Variants in TCTN3 observed in about 807,000 individuals in gnomAD.
TCTN3 encodes the protein tectonic-3.
TCTN3 carries 57 observed loss-of-function variants against 71.3 expected under a neutral mutation model. The ratio of observed to expected loss-of-function variants is 0.80; its 90% CI spans 0.65 to 1.00. TCTN3 has a LOEUF of 1.00. TCTN3 is among the 50% of genes least tolerant of loss of function. The pLI, the probability that TCTN3 is intolerant of heterozygous loss-of-function variation, is 0.00. For missense variants in TCTN3, 696 were observed against 719.9 expected (o/e 0.97, Z 0.38); for synonymous variants, 258 against 267.8 (o/e 0.96, Z 0.36).
intron 10 of TCTN3, 48 bp downstream of exon 10, chr10:95,683,474 G>T (rs2097945148): frequency 1.9e-6 from 3 of 1,613,880 alleles, no homozygotes; most frequent in Non-Finnish European, 2.5e-6. Context: ...AGCCTTTGCA[G>T]CTTTTCTCAT....
Position 95,692,992 on chromosome 10 carries a change from T to C in TCTN3, c.427A>G (p.Asn143Asp), listed in dbSNP as rs1268458221. Residue 143 changes from asparagine to aspartate, a missense_variant, in exon 3 of 14, where the codon AAT becomes GAT. Asn to Asp is a conservative substitution (Grantham distance 23). Coordinates refer to ENST00000371217, the MANE Select transcript of TCTN3 (RefSeq NM_015631.6). ...AAAACTCTTGAAGGAAACGGGGAAT[T>C]ACTCCTGAAGATAACAGAGTTGTCT... Reference protein sequence around the residue: ...CVDNSVIFRSNSPFPSRVFMD... With the variant: ...CVDNSVIFRSDSPFPSRVFMD... The C allele has an allele frequency of 2.5e-6, 4 of 1,614,038 alleles. No individual in the cohort carries two copies. The East Asian group carries it at 6.7e-5, about 27-fold the overall frequency.
chr10:95,677,492 T>G (rs7072498), intron 13 of TCTN3, among the ~76,000 whole-genome samples: 4,698 of 140,598 alleles, frequency 0.033, 293 homozygotes, highest in South Asian at 0.091. Flanking sequence ...TGTTTTTTTT[T>G]TTTTTTTTTG....
Position 95,663,712 on chromosome 10 carries a change from C to T in TCTN3, c.*355G>A, listed in dbSNP as rs2139690356. Reference sequence around the variant, plus strand: ...TGACAGCAGAAGTGTTTCTCTCTTTCTGCTTGGCCCAACTGTGCCTGAGGG... The same window carrying T: ...TGACAGCAGAAGTGTTTCTCTCTTTTTGCTTGGCCCAACTGTGCCTGAGGG... On this transcript the variant is annotated 3_prime_UTR_variant, in exon 14 of 14. Transcript: ENST00000371217. 1 of 209,960 alleles carries T rather than the reference C, an allele frequency of 4.8e-6. No homozygotes were observed. The highest frequency in any genetic ancestry group is 1.1e-4 in the East Asian group (1 of 8,904). 13.0% of individuals were successfully genotyped at this position (209,960 alleles called of 1,614,324 possible). A position where few individuals can be genotyped will look rare whatever the true frequency, so the allele number is the denominator to read the frequency against.
Position 95,687,072 on chromosome 10 carries a change from G to A in TCTN3, c.824C>T (p.Ala275Val). 6.2e-7 allele frequency: 1 copy of A among 1,614,056 alleles called. No individual in the cohort carries two copies. The highest frequency in any genetic ancestry group is 1.7e-5 in the Admixed American group (1 of 60,004). Reference sequence around the variant, plus strand: ...TAAGACTGTGAAGTTATAGTAAGAGGCAGCATTGAGGGCTGAATCCAAGGT... The same window carrying A: ...TAAGACTGTGAAGTTATAGTAAGAGACAGCATTGAGGGCTGAATCCAAGGT... ...SCTLDSALNA[A>V]SYYNFTVLKV... Residue 275 changes from alanine (A) to valine (V), a missense_variant, in exon 6 of 14, where the codon GCC (alanine) becomes GTC (valine). Ala to Val is a moderately conservative substitution (Grantham distance 64, BLOSUM62 0). Transcript: ENST00000371217.
intron 13 of TCTN3, among the ~76,000 whole-genome samples, chr10:95,676,572 G>A (rs1374192412): frequency 1.3e-5 from 2 of 152,066 alleles, no homozygotes; most frequent in Admixed American, 6.5e-5. Context: ...GTATAGTAAG[G>A]GCATTGTTTC....
At position 95,693,495 on chromosome 10, in the gene TCTN3, G is replaced by T; in HGVS notation, c.257-19C>A. On this transcript the variant is annotated intron_variant, in intron 1 of 13. Coordinates refer to ENST00000371217, the MANE Select transcript of TCTN3 (RefSeq NM_015631.6). ...GGTAAGACTATGAAAGTACGACACA[G>T]AGTGAGTGGGATGAAGATCCCCAAA... The T allele has an allele frequency of 1.3e-5, 20 of 1,552,072 alleles. No individual in the cohort carries two copies. The highest frequency in any genetic ancestry group is 1.7e-5 in the Non-Finnish European group (20 of 1,147,058).
chr10:95,665,413 G>A (rs1415811093), intron 13 of TCTN3, among the ~76,000 whole-genome samples: 2 of 151,954 alleles, frequency 1.3e-5, no homozygotes, highest in African/African-American at 4.8e-5. Context: ...CAAGTAGCTG[G>A]GATTATAGGC....
At chr10:95,675,844 T>A (rs901181180) in intron 13 of TCTN3, among the ~76,000 whole-genome samples, 1 of 152,258 alleles carries the variant, frequency 6.6e-6, no homozygotes, top group East Asian at 1.9e-4. Context: ...TCTTTCCTAG[T>A]ATGCTGCCTG....
In TCTN3 at chr10:95,680,135, G is replaced by A. The variant is rs545327336; in HGVS notation, c.1590+337C>T. On this transcript the variant is annotated intron_variant, in intron 13 of 13. Coordinates refer to ENST00000371217, the MANE Select transcript of TCTN3 (RefSeq NM_015631.6). ...TCAGGGACTCACATATAACTGTGTG[G>A]CTGACAGATTGAACAATTATGGAAG... is the stretch of plus-strand genomic sequence containing the variant. Among the ~76,000 whole-genome samples the A allele has an allele frequency of 2.0e-5, 3 of 152,330 alleles. No individual in the cohort carries two copies. In the East Asian group the frequency reaches 5.8e-4, roughly 29 times the overall value.
chr10:95,693,872 G>T lies in TCTN3; in HGVS notation c.28C>A (p.Gln10Lys), dbSNP rs1262446492. Reference protein sequence around the residue: MRTPQLALLQVFFLVFPDGV... With the variant: MRTPQLALLKVFFLVFPDGV... ...TCGGGGAACACCAGAAAGAACACTT[G>T]CAGGAGCGCGAGCTGTGGGGTGCGC... Residue 10 changes from glutamine to lysine, a missense_variant, in exon 1 of 14, where the codon CAA becomes AAA. By Grantham distance (53) the Gln-to-Lys change is moderately conservative (BLOSUM62 1). Coordinates refer to ENST00000371217, the MANE Select transcript of TCTN3 (RefSeq NM_015631.6). The T allele has an allele frequency of 5.2e-6, 8 of 1,551,590 alleles. No homozygotes were observed. The South Asian group carries it at 9.5e-5, about 18-fold the overall frequency.
intron 13 of TCTN3, among the ~76,000 whole-genome samples, chr10:95,677,494 T>TTTTTTTTTTTG (rs2097938617): frequency 6.8e-6 from 1 of 147,242 alleles, no homozygotes; most frequent in Admixed American, 6.8e-5. Flanking sequence ...TTTTTTTTTT[T>TTTTTTTTTTTG]TTTTTTTGCT....
At chr10:95,691,386 T>C (rs2139759648) in intron 3 of TCTN3, among the ~76,000 whole-genome samples, 1 of 152,220 alleles carries the variant, frequency 6.6e-6, no homozygotes, top group African/African-American at 2.4e-5. Flanking sequence ...ACTCCTGACC[T>C]CAAGTGATCT....
At chr10:95,677,483 GTT>G (rs1223582407) in intron 13 of TCTN3, among the ~76,000 whole-genome samples, 3 of 61,984 alleles carry the variant, frequency 4.8e-5, no homozygotes, top group Admixed American at 2.2e-4. Context: ...AGTTTTTTTT[GTT>G]TTTTTTTTTT....
chr10:95,677,483 G>GTTTTTTTTTTTTT (rs1223582407), intron 13 of TCTN3, among the ~76,000 whole-genome samples: 4 of 62,038 alleles, frequency 6.4e-5, no homozygotes, highest in Non-Finnish European at 7.1e-5. Context: ...AGTTTTTTTT[G>GTTTTTTTTTTTTT]TTTTTTTTTT....
chr10:95,666,236 C>G (rs907244346), intron 13 of TCTN3, among the ~76,000 whole-genome samples: 1 of 140,970 alleles, frequency 7.1e-6, no homozygotes, highest in Non-Finnish European at 1.5e-5. Context: ...CCACCATGCC[C>G]AGCCTTTTTT....
chr10:95,683,422 CA>C (rs1414966992), intron 10 of TCTN3, 99 bp downstream of exon 10: 6 of 1,590,476 alleles, frequency 3.8e-6, no homozygotes, highest in Non-Finnish European at 5.1e-6. Flanking sequence ...TTATAATGAA[CA>C]AAAAATTCCT....
At chr10:95,684,972 A>G (rs908559641) in intron 8 of TCTN3, among the ~76,000 whole-genome samples, 1 of 152,196 alleles carries the variant, frequency 6.6e-6, no homozygotes, top group African/African-American at 2.4e-5. Flanking sequence ...GGCTCTCACA[A>G]TGTTTGAGAA....
intron 13 of TCTN3, among the ~76,000 whole-genome samples, chr10:95,672,147 T>G (rs2097932140): frequency 6.9e-6 from 1 of 145,166 alleles, no homozygotes; most frequent in African/African-American, 2.5e-5. Context: ...TCATTAAAAA[T>G]TAATTATTAT....
chr10:95,675,153 C>T (rs887453012), intron 13 of TCTN3, among the ~76,000 whole-genome samples: 14 of 152,140 alleles, frequency 9.2e-5, no homozygotes, highest in African/African-American at 3.1e-4. Flanking sequence ...AGTTCAGTGG[C>T]GCGATCTCGG....
Sources: gnomAD v4.1 joint callset for allele counts (sites outside exome capture counted in the v4.1 genomes callset) on GRCh38, gnomAD v4.1.1 for gene constraint, MANE v1.5 for transcripts, NCBI Gene and HGNC (gene_info 2026-07-23, HGNC 2026-07-21) for gene names.